Variants in ARHGAP15 observed in about 807,000 individuals in gnomAD.
ARHGAP15 encodes the protein rho GTPase-activating protein 15.
Under a neutral mutation model 63.7 loss-of-function variants are expected in ARHGAP15, and 51 were observed. The ratio of observed to expected loss-of-function variants is 0.80; its 90% CI spans 0.64 to 1.01. The LOEUF is 1.01. Ranked by LOEUF, ARHGAP15 falls within the 50% of genes least tolerant of loss-of-function variation. ARHGAP15 has a pLI of 0.00. For missense variants in ARHGAP15, 560 were observed against 564.6 expected (o/e 0.99, Z 0.08); for synonymous variants, 191 against 193.8 (o/e 0.99, Z 0.12).
intron 8 of ARHGAP15, among the ~76,000 whole-genome samples, chr2:143,463,340 G>A (rs185768383): frequency 6.6e-6 from 1 of 152,184 alleles, no homozygotes; most frequent in East Asian, 1.9e-4. Context: ...TCAAAAGTTT[G>A]GGACTAGCCT....
chr2:143,762,236 T>G (rs1182284562), intron 13 of ARHGAP15, among the ~76,000 whole-genome samples: 1 of 152,104 alleles, frequency 6.6e-6, no homozygotes, highest in East Asian at 1.9e-4. Context: ...TGACATAAGG[T>G]CTAAATATTT....
intron 6 of ARHGAP15, among the ~76,000 whole-genome samples, chr2:143,398,057 A>G (rs1354833412): frequency 1.3e-5 from 2 of 152,094 alleles, no homozygotes; most frequent in South Asian, 2.1e-4. Context: ...CTATTGTACA[A>G]AAGTCCCATA....
chr2:143,664,995 G>A (rs1682076451), intron 12 of ARHGAP15, among the ~76,000 whole-genome samples: 2 of 151,708 alleles, frequency 1.3e-5, no homozygotes, highest in Admixed American at 1.3e-4. Flanking sequence ...GGTACAAGGA[G>A]GAACTGGTAC....
intron 9 of ARHGAP15, among the ~76,000 whole-genome samples, chr2:143,492,506 C>T (rs879735451): frequency 9.9e-5 from 15 of 152,064 alleles, no homozygotes; most frequent in Non-Finnish European, 2.1e-4. Context: ...TGCCTGTAGT[C>T]CAAACATTTT....
chr2:143,167,379 G>T (rs1260455957), intron 2 of ARHGAP15, among the ~76,000 whole-genome samples: 1 of 152,034 alleles, frequency 6.6e-6, no homozygotes, highest in African/African-American at 2.4e-5. Context: ...TTAACCAGGA[G>T]ACAAAATAGG....
At chr2:143,169,406 T>G (rs1690677780) in intron 2 of ARHGAP15, among the ~76,000 whole-genome samples, 1 of 152,022 alleles carries the variant, frequency 6.6e-6, no homozygotes, top group Non-Finnish European at 1.5e-5. Context: ...CCAACTTTAT[T>G]TGTATGTCCC....
At chr2:143,519,153 A>C in intron 9 of ARHGAP15, 113 bp from the exon 10 acceptor site, 1 of 766,946 alleles carries the variant, frequency 1.3e-6, no homozygotes, top group Non-Finnish European at 2.1e-6. Flanking sequence ...AAGCAAAAAA[A>C]AAATCTTATG....
intron 5 of ARHGAP15, among the ~76,000 whole-genome samples, chr2:143,231,890 T>G (rs1463098004): frequency 6.6e-6 from 1 of 152,204 alleles, no homozygotes; most frequent in Non-Finnish European, 1.5e-5. Flanking sequence ...GACGTTCGTG[T>G]CTTTTCACAT....
chr2:143,150,577 T>C (rs1421011742), intron 1 of ARHGAP15, among the ~76,000 whole-genome samples: 1 of 152,046 alleles, frequency 6.6e-6, no homozygotes, highest in African/African-American at 2.4e-5. Context: ...TCAGGAAGTC[T>C]AGAGAATAGT....
intron 9 of ARHGAP15, among the ~76,000 whole-genome samples, chr2:143,497,173 G>T (rs549984417): frequency 6.6e-6 from 1 of 152,304 alleles, no homozygotes; most frequent in East Asian, 1.9e-4. Context: ...TCTTGTGTGT[G>T]TGTGTCTAAA....
intron 2 of ARHGAP15, among the ~76,000 whole-genome samples, chr2:143,175,657 C>T (rs1170425874): frequency 6.6e-6 from 1 of 152,158 alleles, no homozygotes; most frequent in Non-Finnish European, 1.5e-5. Flanking sequence ...CTTGGGGTGA[C>T]TAACGCTCTC....
chr2:143,758,930 A>G (rs1686670035), intron 13 of ARHGAP15, among the ~76,000 whole-genome samples: 1 of 152,166 alleles, frequency 6.6e-6, no homozygotes, highest in Non-Finnish European at 1.5e-5. Flanking sequence ...AATTATCTTC[A>G]TGAAGGGTAA....
intron 11 of ARHGAP15, among the ~76,000 whole-genome samples, chr2:143,589,257 A>G (rs764829453): frequency 3.9e-5 from 6 of 152,342 alleles, no homozygotes; most frequent in Non-Finnish European, 7.4e-5. Flanking sequence ...CTTTGCTCCA[A>G]GAGATCTACT....
At chr2:143,151,976 CAG>C (rs1689842478) in intron 1 of ARHGAP15, among the ~76,000 whole-genome samples, 12 of 151,936 alleles carry the variant, frequency 7.9e-5, no homozygotes, top group Admixed American at 7.9e-4. Flanking sequence ...TTCTGTCCGG[CAG>C]CAGGGCTCTG....
At chr2:143,171,730 A>G (rs1690789412) in intron 2 of ARHGAP15, among the ~76,000 whole-genome samples, 2 of 152,242 alleles carry the variant, frequency 1.3e-5, no homozygotes, top group Admixed American at 6.5e-5. Flanking sequence ...CCTATGAATA[A>G]TGAATTCAGT....
chr2:143,229,754 T>C (rs1693367219), intron 5 of ARHGAP15, among the ~76,000 whole-genome samples: 1 of 152,186 alleles, frequency 6.6e-6, no homozygotes, highest in South Asian at 2.1e-4. Context: ...TATGTAATCC[T>C]CTTTAAATAG....
At chr2:143,172,965 T>G (rs953015796) in intron 2 of ARHGAP15, among the ~76,000 whole-genome samples, 1 of 152,022 alleles carries the variant, frequency 6.6e-6, no homozygotes. Flanking sequence ...TTAAGGAGCC[T>G]ACAAAGAAGT....
intron 6 of ARHGAP15, among the ~76,000 whole-genome samples, chr2:143,398,444 A>C (rs892848617): frequency 6.6e-6 from 1 of 152,084 alleles, no homozygotes; most frequent in African/African-American, 2.4e-5. Context: ...ACACTGAGGC[A>C]CACTCAGTTC....
Position 143,606,035 on chromosome 2 carries a change from C to CAAAAAAAAAAAAAAAAAAAAAAAA in ARHGAP15, c.1004-18086_1004-18063dup, listed in dbSNP as rs869266541. Among the ~76,000 whole-genome samples the CAAAAAAAAAAAAAAAAAAAAAAAA allele has an allele frequency of 2.6e-4, 6 of 22,872 alleles. 1 individual carries two copies. The highest frequency in any genetic ancestry group is 2.3e-3 in the East Asian group (1 of 434). 15.0% of individuals were successfully genotyped at this position (22,872 alleles called of 152,430 possible). A position where few individuals can be genotyped will look rare whatever the true frequency, so the allele number is the denominator to read the frequency against. On this transcript the variant is annotated intron_variant, in intron 11 of 13. Coordinates refer to ENST00000295095, the MANE Select transcript of ARHGAP15 (RefSeq NM_018460.4). Reference sequence around the variant, plus strand: ...TGGGCGCCAGAGCAAGACTCTGTCTCAAAAAAAAAAAAAAAAAAAAAAAAA... The same window carrying CAAAAAAAAAAAAAAAAAAAAAAAA: ...TGGGCGCCAGAGCAAGACTCTGTCTCAAAAAAAAAAAAAAAAAAAAAAAAAAAAAAAAAAAAAAAAAAAAAAAAA...
Sources: allele counts gnomAD v4.1 joint callset (sites outside exome capture counted in the v4.1 genomes callset), GRCh38; gene constraint gnomAD v4.1.1; transcripts MANE v1.5; gene names NCBI Gene and HGNC (gene_info 2026-07-23, HGNC 2026-07-21).